Variants in NME9 observed in about 807,000 individuals in gnomAD.
NME9 encodes the protein NME/NM23 family member 9.
In NME9, 48 loss-of-function variants were observed where a neutral mutation model predicts 44.4. The ratio of observed to expected loss-of-function variants is 1.08; its 90% CI spans 0.86 to 1.37. The LOEUF is 1.37. Ranked by LOEUF, NME9 falls within the 40% of genes most tolerant of loss-of-function variation. The pLI is 0.00. For missense variants in NME9, 325 were observed against 405.2 expected, an observed-to-expected ratio of 0.80 and a Z score of 1.70; for synonymous variants, 139 against 147.1, an observed-to-expected ratio of 0.94 and a Z score of 0.40.
chr3:138,275,649 G>C (rs182555616), intron 8 of NME9, among the ~76,000 whole-genome samples: 2 of 152,270 alleles, frequency 1.3e-5, no homozygotes, highest in Non-Finnish European at 2.9e-5. Flanking sequence ...GTTGGACCCA[G>C]AGAGTCTAAC....
chr3:138,274,798 C>A (rs936210601), intron 8 of NME9, among the ~76,000 whole-genome samples: 1 of 152,208 alleles, frequency 6.6e-6, no homozygotes, highest in Non-Finnish European at 1.5e-5. Context: ...CCTGTCTCTA[C>A]AGGAGCAGTC....
At chr3:138,328,062 G>A (rs2053903649) in intron 1 of NME9, among the ~76,000 whole-genome samples, 1 of 152,170 alleles carries the variant, frequency 6.6e-6, no homozygotes, top group Non-Finnish European at 1.5e-5. Flanking sequence ...CCAGAGAGTT[G>A]AGGAAATGAG....
At chr3:138,279,820 A>G (rs188463980) in intron 8 of NME9, among the ~76,000 whole-genome samples, 5 of 152,350 alleles carry the variant, frequency 3.3e-5, no homozygotes, top group African/African-American at 2.4e-5. Flanking sequence ...ATTTGTTAAC[A>G]TAAAACGGTT....
chr3:138,288,627 T>C (rs1254109827), intron 8 of NME9, among the ~76,000 whole-genome samples: 4 of 150,040 alleles, frequency 2.7e-5, no homozygotes, highest in African/African-American at 7.3e-5. Context: ...TGAGGACTCT[T>C]CTTCAGACTT....
chr3:138,323,866 G>T (rs1278234919), intron 2 of NME9, among the ~76,000 whole-genome samples: 2 of 152,202 alleles, frequency 1.3e-5, no homozygotes, highest in Admixed American at 1.3e-4. Context: ...ACAGTAGGTG[G>T]TAGGCAGCCT....
chr3:138,307,580 C>G (rs556036557), intron 6 of NME9, among the ~76,000 whole-genome samples: 2 of 152,310 alleles, frequency 1.3e-5, no homozygotes, highest in African/African-American at 4.8e-5. Flanking sequence ...TTCTTTCTGA[C>G]ATTACTATTT....
chr3:138,303,530 T>G lies in NME9; in HGVS notation c.905A>C (p.Asp302Ala), dbSNP rs760967978. ...ACCCTGAGGGGCTTCTGTATCTTTG[T>G]CTGAAAATTTCAAACTGGGGAAGAG... is the stretch of plus-strand genomic sequence containing the variant. Reference protein sequence around the residue: ...ALLFPSLKFSDKDTEAPQGGE... With the variant: ...ALLFPSLKFSAKDTEAPQGGE... The change falls in exon 10 of 11, where the codon GAC becomes GCC. Residue 302 changes from aspartate to alanine, a missense_variant. By Grantham distance (126) the Asp-to-Ala change is moderately radical (BLOSUM62 -2). Coordinates refer to ENST00000333911, the MANE Select transcript of NME9 (RefSeq NM_001349018.2). 6.2e-7 allele frequency: 1 copy of G among 1,613,806 alleles called. No homozygotes were observed. The highest frequency in any genetic ancestry group is 8.5e-7 in the Non-Finnish European group (1 of 1,179,682).
Position 138,326,032 on chromosome 3 carries a change from C to A in NME9, c.34-1102G>T, listed in dbSNP as rs115739998. ...TGTGTGCTAGATTTATTTGTCAAGT[C>A]TTTTTAGTCTGGAATAGTTCTTTAG... On this transcript the variant is annotated intron_variant, in intron 1 of 10. Coordinates refer to ENST00000333911, the MANE Select transcript of NME9 (RefSeq NM_001349018.2). 8.5e-3 allele frequency among the ~76,000 whole-genome samples: 1,295 copies of A among 152,264 alleles called. 21 individuals are homozygous for A. Among genetic ancestry groups the A allele is most frequent in the African/African-American group, 0.03 (1,259 of 41,544 alleles).
At chr3:138,297,752 AAACTT>A (rs1430203395), downstream of NME9, 3 of 152,366 alleles carry the variant, frequency 2.0e-5, no homozygotes, top group East Asian at 5.8e-4. Flanking sequence ...AGTTAAAAGA[AAACTT>A]AGTTTATTGG....
At chr3:138,299,927 G>A (rs189482830), downstream of NME9, among the ~76,000 whole-genome samples, 7 of 152,238 alleles carry the variant, frequency 4.6e-5, no homozygotes, top group East Asian at 1.4e-3. Context: ...CCCCCTCCAA[G>A]TAGCTCATTC....
At chr3:138,324,722 A>G in intron 2 of NME9, 151 bp downstream of exon 2, 1 of 661,584 alleles carries the variant, frequency 1.5e-6, no homozygotes, top group East Asian at 2.7e-5. Context: ...ACACACACAC[A>G]CACACACACA....
exon 9 of NME9, chr3:138,262,295 TG>T: frequency 4.4e-6 from 2 of 455,614 alleles, no homozygotes; most frequent in Non-Finnish European, 3.9e-6. Context: ...TCAGTAAGAA[TG>T]GAATTAGGTT....
intron 8 of NME9, among the ~76,000 whole-genome samples, chr3:138,282,687 T>G (rs1032586306): frequency 2.8e-4 from 43 of 151,346 alleles, no homozygotes; most frequent in African/African-American, 1.0e-3. Flanking sequence ...TACCTTATCC[T>G]GTAGGCTCAG....
chr3:138,321,186 C>A (rs930211257), intron 2 of NME9, among the ~76,000 whole-genome samples: 5 of 152,166 alleles, frequency 3.3e-5, no homozygotes, highest in Middle Eastern at 3.2e-3. Context: ...AGCAAATTTT[C>A]AAGCAGTATA....
At chr3:138,263,857 GC>G in intron 8 of NME9, 1 of 1,579,000 alleles carries the variant, frequency 6.3e-7, no homozygotes, top group Non-Finnish European at 8.7e-7. Context: ...AAAACCTTTT[GC>G]CATATATTTA....
At chr3:138,326,867 C>G (rs925184052) in intron 1 of NME9, among the ~76,000 whole-genome samples, 1 of 150,120 alleles carries the variant, frequency 6.7e-6, no homozygotes, top group Non-Finnish European at 1.5e-5. Context: ...TTTGGCCGAA[C>G]GTGGTTGCTC....
downstream of NME9, chr3:138,300,908 C>T (rs571634332): frequency 6.1e-5 from 14 of 228,560 alleles, no homozygotes; most frequent in East Asian, 2.2e-3. Context: ...CTATTTATAT[C>T]TGCCTCGGCA....
At position 138,315,729 on chromosome 3, in the gene NME9, C is replaced by T. The variant is rs531789924; in HGVS notation, c.268-86G>A. 4.6e-6 allele frequency: 5 copies of T among 1,092,320 alleles called. No individual in the cohort carries two copies. The South Asian group carries it at 7.2e-5, about 16-fold the overall frequency. The allele number at this position is 1,092,320 out of a possible 1,614,324, so 67.7% of individuals were successfully genotyped here. On this transcript the variant is annotated intron_variant, in intron 4 of 10. Coordinates refer to ENST00000333911, the MANE Select transcript of NME9 (RefSeq NM_001349018.2). Reference sequence around the variant, plus strand: ...TGGCAAGAGTGTCTAGGAGTGTCCCCAAGTTCAAGGTCCCTCAACCCCAGG... The same window carrying T: ...TGGCAAGAGTGTCTAGGAGTGTCCCTAAGTTCAAGGTCCCTCAACCCCAGG...
intron 3 of NME9, among the ~76,000 whole-genome samples, chr3:138,318,956 G>A (rs1054987341): frequency 4.6e-5 from 7 of 152,144 alleles, no homozygotes; most frequent in African/African-American, 1.7e-4. Context: ...CCAACACTTT[G>A]GGACGCTGTG....
Sources: gnomAD v4.1 joint callset for allele counts (sites outside exome capture counted in the v4.1 genomes callset) on GRCh38, gnomAD v4.1.1 for gene constraint, MANE v1.5 for transcripts, NCBI Gene and HGNC (gene_info 2026-07-23, HGNC 2026-07-21) for gene names.